The following PARP14 variants were observed in gnomAD, a reference collection of about 807,000 sequenced individuals.
PARP14 encodes poly(ADP-ribose) polymerase family member 14.
A neutral mutation model predicts 154.2 loss-of-function variants in PARP14; 59 were observed. That is an observed-to-expected ratio of 0.38 (90% CI 0.31 to 0.48). The LOEUF is 0.48. Among genes scored for constraint, PARP14 ranks in the 20% least tolerant of loss-of-function variants. PARP14 has a pLI of 0.98. For missense variants in PARP14, 1,734 were observed against 2,131.6 expected (o/e 0.81, Z 3.67); for synonymous variants, 720 against 780.5 (o/e 0.92, Z 1.29).
chr3:122,692,002 A>G (rs1938556100), intron 3 of PARP14, among the ~76,000 whole-genome samples: 1 of 152,224 alleles, frequency 6.6e-6, no homozygotes, highest in Non-Finnish European at 1.5e-5. Flanking sequence ...AGAGGTTAAT[A>G]TATGTACCCA....
chr3:122,713,774 T>C lies in PARP14; in HGVS notation c.3770-98T>C, dbSNP rs1939395870. On this transcript the variant is annotated intron_variant, in intron 10 of 16. Coordinates refer to ENST00000474629, the MANE Select transcript of PARP14 (RefSeq NM_017554.3). The stretch of plus-strand genomic sequence containing the variant: ...CAGCAATACCCAATTAGAGGATTCC[T>C]CAGATGATGGAGAATGCATTCAGAT... The C allele has an allele frequency of 3.1e-6, 3 of 961,094 alleles. No homozygotes were observed. In the Admixed American group the frequency reaches 5.4e-5, roughly 17 times the overall value. 59.5% of individuals were successfully genotyped at this position (961,094 alleles called of 1,614,324 possible). A position where few individuals can be genotyped will look rare whatever the true frequency, so the allele number is the denominator to read the frequency against.
At chr3:122,688,986 T>G (rs1002634904) in intron 3 of PARP14, among the ~76,000 whole-genome samples, 3 of 152,136 alleles carry the variant, frequency 2.0e-5, no homozygotes, top group Admixed American at 1.3e-4. Flanking sequence ...GGGCTGGGTC[T>G]GAAAGGTGGA....
rs1938888577 is a variant in PARP14, at chr3:122,699,652, C to T, written c.1098C>T (p.Ile366=). 6.2e-7 allele frequency: 1 copy of T among 1,614,030 alleles called. No individual in the cohort carries two copies. Among genetic ancestry groups the T allele is most frequent in the Non-Finnish European group, 8.5e-7 (1 of 1,179,884 alleles). The change falls in exon 6 of 17, where the codon ATC becomes ATT. Residue 366 remains isoleucine (I), a synonymous_variant. Coordinates refer to ENST00000474629, the MANE Select transcript of PARP14 (RefSeq NM_017554.3). ...TWSQLSGKVT[I]RPAATLVNEG... ...CCCAACTCAGTGGTAAAGTTACCATCAGACCAGCAGCCACCTTAGTCAATG... is the reference window on the plus strand; with the variant it reads ...CCCAACTCAGTGGTAAAGTTACCATTAGACCAGCAGCCACCTTAGTCAATG...
At chr3:122,720,201 G>A (rs922698730) in intron 14 of PARP14, 54 bp from the exon 15 acceptor site, 1 of 1,559,740 alleles carries the variant, frequency 6.4e-7, no homozygotes, top group Non-Finnish European at 8.8e-7. Context: ...GATACTAAAT[G>A]TTCCAGAGTG....
intron 9 of PARP14, among the ~76,000 whole-genome samples, chr3:122,708,756 A>G (rs1437979625): frequency 1.3e-5 from 2 of 152,106 alleles, no homozygotes; most frequent in South Asian, 2.1e-4. Context: ...CTGTTTTCCA[A>G]TACTGTGGTG....
At chr3:122,689,021 G>A (rs1938461181) in intron 3 of PARP14, among the ~76,000 whole-genome samples, 1 of 152,212 alleles carries the variant, frequency 6.6e-6, no homozygotes, top group Admixed American at 6.5e-5. Flanking sequence ...AGGTCCTGGA[G>A]AAGAGACAAG....
intron 2 of PARP14, among the ~76,000 whole-genome samples, chr3:122,685,751 G>A (rs939888362): frequency 4.0e-5 from 6 of 151,868 alleles, no homozygotes; most frequent in Admixed American, 3.3e-4. Flanking sequence ...CTCATGATCG[G>A]CCCACCTAGG....
intron 12 of PARP14, among the ~76,000 whole-genome samples, chr3:122,716,326 C>G (rs1932994071): frequency 6.6e-6 from 1 of 152,178 alleles, no homozygotes; most frequent in African/African-American, 2.4e-5. Context: ...CACTTTCCAT[C>G]TAGAGTCCTT....
intron 2 of PARP14, chr3:122,686,866 T>C: frequency 2.0e-6 from 1 of 512,108 alleles, no homozygotes; most frequent in Non-Finnish European, 3.5e-6. Flanking sequence ...TTGAGGTTTC[T>C]GTTATTTGTG....
At chr3:122,692,138 G>T (rs985294920) in intron 3 of PARP14, among the ~76,000 whole-genome samples, 163 bp from the exon 4 acceptor site, 6 of 152,168 alleles carry the variant, frequency 3.9e-5, no homozygotes, top group African/African-American at 1.2e-4. Flanking sequence ...GTTACATGTT[G>T]TTTTTATTTA....
At chr3:122,723,043 C>T (rs1334221184) in intron 15 of PARP14, among the ~76,000 whole-genome samples, 2 of 151,920 alleles carry the variant, frequency 1.3e-5, no homozygotes, top group Non-Finnish European at 2.9e-5. Flanking sequence ...GCAAGCGATT[C>T]TCCTGCCTCA....
At chr3:122,712,559 C>CT (rs987062537) in intron 9 of PARP14, among the ~76,000 whole-genome samples, 140 of 138,960 alleles carry the variant, frequency 1.0e-3, no homozygotes, top group East Asian at 5.0e-3. Flanking sequence ...GGATTGACAT[C>CT]TTTTTTTTTT....
rs1253579052 is a variant in PARP14, at chr3:122,699,301, T to A, written c.836-89T>A. 3 of 685,594 alleles carry A rather than the reference T, an allele frequency of 4.4e-6. No homozygotes were observed. The African/African-American group carries it at 5.4e-5, about 12-fold the overall frequency. The allele number at this position is 685,594 out of a possible 1,614,324, so 42.5% of individuals were successfully genotyped here. ...TAAGTGTTAGAAAAACATTAGATTTTTTTTTCTCTAAAATAGGAAAATTTT... is the reference window on the plus strand; with the variant it reads ...TAAGTGTTAGAAAAACATTAGATTTATTTTTCTCTAAAATAGGAAAATTTT... On this transcript the variant is annotated intron_variant, in intron 5 of 16. Coordinates refer to ENST00000474629, the MANE Select transcript of PARP14 (RefSeq NM_017554.3).
rs757290159 is a variant in PARP14, at chr3:122,699,920, A to G, written c.1366A>G (p.Thr456Ala). The change falls in exon 6 of 17, where the codon ACT becomes GCT. Residue 456 changes from threonine (T) to alanine (A), a missense_variant. Thr to Ala is a moderately conservative substitution (Grantham distance 58). Around this residue, in one of 2 missense-constraint regions of PARP14, gnomAD observed 1,646 missense variants for 1,976.0 expected, o/e 0.83. Transcript: ENST00000474629. ...ACAAGTCAGGGAGTTAATAGAAAGC[A>G]CTACTCAAAAAATTAAAAGGGAAGA... The part of the protein sequence containing the change: ...EVQVRELIES[T>A]TQKIKREEQS... 3.1e-6 allele frequency: 5 copies of G among 1,613,870 alleles called. No individual in the cohort carries two copies. The Admixed American group carries it at 6.7e-5, about 22-fold the overall frequency.
At chr3:122,698,268 A>G (rs930873923) in intron 5 of PARP14, among the ~76,000 whole-genome samples, 3 of 152,224 alleles carry the variant, frequency 2.0e-5, no homozygotes, top group Admixed American at 6.5e-5. Flanking sequence ...GTTATTTTTA[A>G]CATCTTTCCA....
rs962197873 is a variant in PARP14, at chr3:122,692,653, T to A, written c.598+110T>A. The A allele has an allele frequency of 4.9e-6, 4 of 816,696 alleles. No individual in the cohort carries two copies. The African/African-American group carries it at 5.1e-5, about 10-fold the overall frequency. 50.6% of individuals were successfully genotyped at this position (816,696 alleles called of 1,614,324 possible). A position where few individuals can be genotyped will look rare whatever the true frequency, so the allele number is the denominator to read the frequency against. ...AAGTTTGACTCTTTCTAGTAGCTAC[T>A]AAGAGAGGTTTCCAAGTTAATATAG... is the stretch of plus-strand genomic sequence containing the variant. On this transcript the variant is annotated intron_variant, in intron 4 of 16. Transcript: ENST00000474629.
chr3:122,684,699 G>A (rs1247780773), intron 1 of PARP14, among the ~76,000 whole-genome samples: 1 of 151,870 alleles, frequency 6.6e-6, no homozygotes, highest in East Asian at 1.9e-4. Flanking sequence ...CCTGCTTACA[G>A]CCACCTAGCC....
At chr3:122,707,890 C>A (rs764464886) in intron 8 of PARP14, among the ~76,000 whole-genome samples, 48 of 152,178 alleles carry the variant, frequency 3.2e-4, no homozygotes, top group Admixed American at 1.8e-3. Flanking sequence ...ATTTATTTAA[C>A]TTTTTCCCTG....
At chr3:122,720,168 G>A in intron 14 of PARP14, 87 bp from the exon 15 acceptor site, 1 of 1,302,466 alleles carries the variant, frequency 7.7e-7, no homozygotes, top group East Asian at 2.4e-5. Context: ...CTTAGAATTG[G>A]GAGATAGTAA....
Sources: allele counts gnomAD v4.1 joint callset (sites outside exome capture counted in the v4.1 genomes callset), GRCh38; gene constraint gnomAD v4.1.1; regional missense constraint gnomAD v4.1.1; transcripts MANE v1.5; gene names NCBI Gene and HGNC (gene_info 2026-07-23, HGNC 2026-07-21).